MED12L: variants seen among roughly 807,000 people sequenced by gnomAD.
The protein encoded by MED12L is mediator of RNA polymerase II transcription subunit 12-like protein.
A neutral mutation model predicts 281.3 loss-of-function variants in MED12L; 60 were observed. The observed-to-expected ratio is 0.21, with a 90% CI of 0.17 to 0.26. The LOEUF is 0.26. MED12L is among the 10% of genes least tolerant of loss of function. The pLI is 1.00. For synonymous variants in MED12L, 974 were observed against 987.2 expected, an observed-to-expected ratio of 0.99 and a Z score of 0.25; for missense variants, 2,146 against 2,680.9, an observed-to-expected ratio of 0.80 and a Z score of 4.41.
In MED12L at chr3:151,202,201, T is replaced by C. The variant is rs146069937; in HGVS notation, c.2250+8535T>C. ...CTTATGTAAATTAGAGGTTAAAATA[T>C]TGTATAATAACATCCTGTGTTCTGT... On this transcript the variant is annotated intron_variant, in intron 16 of 44. Transcript: ENST00000687756. Among the ~76,000 whole-genome samples the C allele has an allele frequency of 5.6e-3, 850 of 152,362 alleles. 10 individuals carry two copies. The highest frequency in any genetic ancestry group is 0.02 in the African/African-American group (833 of 41,574).
At chr3:151,126,048 CTTTTTTTTTT>C (rs34482366) in intron 4 of MED12L, among the ~76,000 whole-genome samples, 1 of 130,776 alleles carries the variant, frequency 7.6e-6, no homozygotes, top group Non-Finnish European at 1.6e-5. Flanking sequence ...ACTGCATCCT[CTTTTTTTTTT>C]TTTTTTTTGA....
intron 39 of MED12L, among the ~76,000 whole-genome samples, chr3:151,401,391 G>A (rs1715662353): frequency 6.6e-6 from 1 of 151,790 alleles, no homozygotes; most frequent in Admixed American, 6.6e-5. Flanking sequence ...GATTGATTTT[G>A]AAAGTGGTGG....
At chr3:151,203,700 A>G (rs1251092496) in intron 16 of MED12L, among the ~76,000 whole-genome samples, 1 of 152,138 alleles carries the variant, frequency 6.6e-6, no homozygotes. Flanking sequence ...TGTTCATTAT[A>G]GAAAAATCTG....
rs1353926415 is a variant in MED12L, at chr3:151,435,058, GTTTCT to G, written c.*2258_*2262del. The G allele has an allele frequency of 3.5e-4, 44 of 124,586 alleles. No individual in the cohort carries two copies. The highest frequency in any genetic ancestry group is 1.2e-3 in the African/African-American group (38 of 31,276). 7.7% of individuals were successfully genotyped at this position (124,586 alleles called of 1,614,324 possible). On this transcript the variant is annotated 3_prime_UTR_variant, in exon 45 of 45. Coordinates refer to ENST00000687756, the MANE Select transcript of MED12L (RefSeq NM_001393769.1). ...CCCTGTTAATTCTGTATCTTGAGAG[GTTTCT>G]TTTTTTTTTTTTTTTTTTTCTTTTC...
At chr3:151,338,291 G>A (rs1751307817) in intron 16 of MED12L, 1 of 1,613,946 alleles carries the variant, frequency 6.2e-7, no homozygotes. Flanking sequence ...TTTCATGCCA[G>A]ACTAGACCGA....
chr3:151,328,552 C>G, intron 16 of MED12L: 1 of 1,613,642 alleles, frequency 6.2e-7, no homozygotes, highest in Non-Finnish European at 8.5e-7. Flanking sequence ...ACAAAAAGAA[C>G]CAGATGAAGA....
At chr3:151,373,452 C>T (rs62285879) in intron 27 of MED12L, among the ~76,000 whole-genome samples, 18,834 of 151,988 alleles carry the variant, frequency 0.12, 2,286 homozygotes, top group African/African-American at 0.31. Flanking sequence ...GGAGATACTT[C>T]GAGACAGTGC....
intron 39 of MED12L, among the ~76,000 whole-genome samples, chr3:151,401,658 G>A (rs1355603161): frequency 6.6e-6 from 1 of 152,108 alleles, no homozygotes; most frequent in African/African-American, 2.4e-5. Flanking sequence ...ATTTGTTAAA[G>A]GTAGGCAAAA....
chr3:151,109,115 T>C (rs755029486), intron 2 of MED12L, among the ~76,000 whole-genome samples: 1 of 151,754 alleles, frequency 6.6e-6, no homozygotes, highest in Non-Finnish European at 1.5e-5. Context: ...TGGAGTGCAG[T>C]GGCGCAATCT....
At chr3:151,121,509 AGGT>A (rs1713753591) in intron 3 of MED12L, among the ~76,000 whole-genome samples, 1 of 152,176 alleles carries the variant, frequency 6.6e-6, no homozygotes, top group East Asian at 1.9e-4. Context: ...TCATTAACTA[AGGT>A]GGTGATTCTT....
In MED12L at chr3:151,280,723, TGAAAG is replaced by T. The variant is rs540921855; in HGVS notation, c.2251-69330_2251-69326del. On this transcript the variant is annotated intron_variant, in intron 16 of 44. Transcript: ENST00000687756. ...GGTAGGGGGCAGACAGCTAGGCACT[TGAAAG>T]GAAAGCTCATCTGGAAAGATTGGAT... Among the ~76,000 whole-genome samples, 256 of 151,918 alleles carry T rather than the reference TGAAAG, an allele frequency of 1.7e-3. 2 individuals carry two copies. The highest frequency in any genetic ancestry group is 3.1e-3 in the Non-Finnish European group (210 of 67,984).
intron 16 of MED12L, among the ~76,000 whole-genome samples, chr3:151,246,301 C>G (rs1401037769): frequency 6.6e-6 from 1 of 152,060 alleles, no homozygotes; most frequent in African/African-American, 2.4e-5. Flanking sequence ...AAAAAAGAGC[C>G]CGTATCGCCA....
chr3:151,126,938 A>G (rs1576783115), intron 4 of MED12L, among the ~76,000 whole-genome samples: 2 of 152,270 alleles, frequency 1.3e-5, no homozygotes, highest in South Asian at 4.2e-4. Flanking sequence ...TGGAGTACAG[A>G]GGGGGTCATG....
chr3:151,362,226 A>C (rs756032856), intron 21 of MED12L, among the ~76,000 whole-genome samples: 16 of 151,950 alleles, frequency 1.1e-4, no homozygotes, highest in Non-Finnish European at 2.4e-4. Context: ...CATTTTCAAC[A>C]TCCACTAAAG....
intron 16 of MED12L, among the ~76,000 whole-genome samples, chr3:151,224,205 T>G (rs534579692): frequency 8.5e-4 from 129 of 152,358 alleles, no homozygotes; most frequent in African/African-American, 3.0e-3. Context: ...TTCTTCCTCT[T>G]CTTTTTTCAG....
In MED12L at chr3:151,286,775, G is replaced by C. The variant is rs536888537; in HGVS notation, c.2251-63284G>C. On this transcript the variant is annotated intron_variant, in intron 16 of 44. Transcript: ENST00000687756. ...GAAACCTGTTGTGCCAGCTCAGCAA[G>C]CAACACTTTCACTCTCAAAAGTGTC... is the stretch of plus-strand genomic sequence containing the variant. Among the ~76,000 whole-genome samples, 6 of 152,274 alleles carry C rather than the reference G, an allele frequency of 3.9e-5. No individual in the cohort carries two copies. The South Asian group carries it at 1.2e-3, about 32-fold the overall frequency.
chr3:151,380,491 G>A (rs1469835025), intron 32 of MED12L, among the ~76,000 whole-genome samples: 1 of 151,794 alleles, frequency 6.6e-6, no homozygotes, highest in African/African-American at 2.4e-5. Context: ...CAGCTACTCG[G>A]GAGGCCAAGG....
intron 11 of MED12L, among the ~76,000 whole-genome samples, chr3:151,181,392 A>G (rs1271764657): frequency 1.3e-5 from 2 of 151,788 alleles, no homozygotes; most frequent in Non-Finnish European, 2.9e-5. Context: ...ATATAAATGT[A>G]GAAATCATTG....
At position 151,188,347 on chromosome 3, in the gene MED12L, T is replaced by C. The variant is rs1038892839; in HGVS notation, c.1627-7T>C. ...AATTAACTTTGTTATTTATTTTTAA[T>C]CTGTAGAGATGTGGTGAATCAGAAG... On this transcript the variant is annotated splice_region_variant and splice_polypyrimidine_tract_variant and intron_variant, in intron 12 of 44. Transcript: ENST00000687756. 6.3e-7 allele frequency: 1 copy of C among 1,588,090 alleles called. No homozygotes were observed.
Sources: allele counts gnomAD v4.1 joint callset (sites outside exome capture counted in the v4.1 genomes callset), GRCh38; gene constraint gnomAD v4.1.1; transcripts MANE v1.5; gene names NCBI Gene and HGNC (gene_info 2026-07-23, HGNC 2026-07-21).